Variants in MAF observed in about 807,000 individuals in gnomAD.
The protein encoded by MAF is MAF bZIP transcription factor.
Under a neutral mutation model 22.0 loss-of-function variants are expected in MAF, and 10 were observed. That is an observed-to-expected ratio of 0.45 (90% CI 0.28 to 0.77). The LOEUF (loss-of-function observed/expected upper bound fraction) is 0.77. Ranked by LOEUF, MAF falls within the 30% of genes least tolerant of loss-of-function variation. The pLI is 0.12. For synonymous variants in MAF, 337 were observed against 255.8 expected (o/e 1.32, Z -3.03); for missense variants, 544 against 548.4 (o/e 0.99, Z 0.08).
At chr16:79,207,857 G>T in the MAF span, among the ~76,000 whole-genome samples, 108,014 of 151,860 alleles carry the variant, frequency 0.71, 39,534 homozygotes, top group Non-Finnish European at 0.8. Flanking sequence ...GAGTCAATAT[G>T]CATTTGTATT....
At chr16:79,538,411 A>C in the MAF span, among the ~76,000 whole-genome samples, 1 of 152,200 alleles carries the variant, frequency 6.6e-6, no homozygotes, top group African/African-American at 2.4e-5. Flanking sequence ...TAAATTCTAA[A>C]TGCACTGAAT....
At chr16:79,486,528 A>T in the MAF span, among the ~76,000 whole-genome samples, 2 of 152,222 alleles carry the variant, frequency 1.3e-5, no homozygotes, top group Non-Finnish European at 2.9e-5. Context: ...GGTTCTAGGA[A>T]ATAAGTTCTG....
the MAF span, among the ~76,000 whole-genome samples, chr16:79,366,899 A>G: frequency 6.6e-6 from 1 of 152,246 alleles, no homozygotes; most frequent in Non-Finnish European, 1.5e-5. Flanking sequence ...AGCTAATGAA[A>G]TCATGTATCA....
chr16:79,319,167 C>T, the MAF span, among the ~76,000 whole-genome samples: 2 of 152,262 alleles, frequency 1.3e-5, no homozygotes, highest in South Asian at 2.1e-4. Context: ...TGCCAGGTGT[C>T]AATGCCTACT....
chr16:79,399,336 T>C, the MAF span, among the ~76,000 whole-genome samples: 148,120 of 152,270 alleles, frequency 0.97, 72,177 homozygotes, highest in East Asian at 1. Flanking sequence ...ATTATTATTA[T>C]ATCATCATCA....
chr16:79,445,685 T>C, the MAF span, among the ~76,000 whole-genome samples: 251 of 152,324 alleles, frequency 1.6e-3, no homozygotes, highest in African/African-American at 5.4e-3. Context: ...GAATACGCTT[T>C]GTCGACTGAT....
chr16:79,222,994 G>C, the MAF span, among the ~76,000 whole-genome samples: 2 of 152,138 alleles, frequency 1.3e-5, no homozygotes, highest in African/African-American at 2.4e-5. Context: ...TCCAGGACTT[G>C]AACTCAGCTC....
the MAF span, among the ~76,000 whole-genome samples, chr16:79,315,496 C>A: frequency 6.6e-6 from 1 of 152,096 alleles, no homozygotes; most frequent in Non-Finnish European, 1.5e-5. Context: ...TTAATAGGTG[C>A]CACACATGTA....
the MAF span, among the ~76,000 whole-genome samples, chr16:79,318,340 C>T: frequency 1.3e-5 from 2 of 152,174 alleles, no homozygotes; most frequent in Non-Finnish European, 2.9e-5. Flanking sequence ...CATAGTCATG[C>T]TAATCAGGAA....
At chr16:79,502,688 TAA>T in the MAF span, among the ~76,000 whole-genome samples, 4 of 14,598 alleles carry the variant, frequency 2.7e-4, no homozygotes, top group African/African-American at 8.7e-4. Context: ...AATATAAATA[TAA>T]ATATAAATAT....
At chr16:79,349,787 T>C in the MAF span, among the ~76,000 whole-genome samples, 1 of 152,222 alleles carries the variant, frequency 6.6e-6, no homozygotes, top group African/African-American at 2.4e-5. Flanking sequence ...GCTAGCTAGA[T>C]TGAAAACCTA....
the MAF span, among the ~76,000 whole-genome samples, chr16:79,404,833 G>A: frequency 1.3e-5 from 2 of 152,256 alleles, no homozygotes; most frequent in East Asian, 1.9e-4. Context: ...GAAGCAGCAA[G>A]TCCCCAAATG....
chr16:79,386,580 G>T, the MAF span, among the ~76,000 whole-genome samples: 2 of 152,160 alleles, frequency 1.3e-5, no homozygotes, highest in Admixed American at 6.5e-5. Flanking sequence ...AACCATACCA[G>T]CCCATGGCCC....
Position 79,598,870 on chromosome 16 carries a change from T to C in MAF, c.1033A>G (p.Lys345Glu), listed in dbSNP as rs1913769694. 6.2e-7 allele frequency: 1 copy of C among 1,613,720 alleles called. No individual in the cohort carries two copies. The highest frequency in any genetic ancestry group is 1.7e-5 in the Admixed American group (1 of 59,984). Residue 345 changes from lysine to glutamate, a missense_variant, in exon 1 of 2, where the codon AAG (lysine) becomes GAG (glutamate). Coordinates refer to ENST00000326043, the MANE Select transcript of MAF (RefSeq NM_005360.5). ...SRLVRERDAY[K>E]EKYEKLVSSG... ...CTCACCAACTTCTCGTATTTCTCCT[T>C]GTACGCGTCCCTCTCGCGCACCAGC...
At chr16:79,347,671 C>A in the MAF span, among the ~76,000 whole-genome samples, 1 of 152,178 alleles carries the variant, frequency 6.6e-6, no homozygotes, top group Non-Finnish European at 1.5e-5. Flanking sequence ...CTCCGCCGGG[C>A]TGGGGACAGT....
the MAF span, among the ~76,000 whole-genome samples, chr16:79,452,271 G>A: frequency 1.3e-5 from 2 of 152,176 alleles, no homozygotes; most frequent in South Asian, 4.1e-4. Context: ...ATTAACATAG[G>A]TTAAATTATG....
the MAF span, among the ~76,000 whole-genome samples, chr16:79,318,050 G>C: frequency 4.6e-5 from 7 of 152,304 alleles, no homozygotes; most frequent in African/African-American, 1.7e-4. Flanking sequence ...GGAGTAAGGA[G>C]AATATGCTCT....
chr16:79,468,485 C>T, the MAF span, among the ~76,000 whole-genome samples: 1 of 152,236 alleles, frequency 6.6e-6, no homozygotes, highest in African/African-American at 2.4e-5. Flanking sequence ...TTTGGCCCGT[C>T]TGCTCTTGCC....
the MAF span, among the ~76,000 whole-genome samples, chr16:79,365,343 G>C: frequency 6.6e-6 from 1 of 152,166 alleles, no homozygotes; most frequent in Non-Finnish European, 1.5e-5. Flanking sequence ...CTATGTGTGT[G>C]TTTACCAGAC....
Sources: allele counts gnomAD v4.1 joint callset (sites outside exome capture counted in the v4.1 genomes callset), GRCh38; gene constraint gnomAD v4.1.1; transcripts MANE v1.5; gene names NCBI Gene and HGNC (gene_info 2026-07-23, HGNC 2026-07-21).